Variants in RD3 observed in about 807,000 individuals in gnomAD.
The protein encoded by RD3 is protein RD3.
In RD3, 11 loss-of-function variants were observed where a neutral mutation model predicts 16.9. That is an observed-to-expected ratio of 0.65 (90% confidence interval 0.41 to 1.08). The LOEUF (loss-of-function observed/expected upper bound fraction) is 1.08, where lower values mean the gene tolerates loss of function less well. Among genes scored for constraint, RD3 ranks in the 50% least tolerant of loss-of-function variants. The pLI is 0.00. For missense variants in RD3, 274 were observed against 267.4 expected (o/e 1.02, Z -0.17); for synonymous variants, 116 against 114.8 (o/e 1.01, Z -0.07).
At chr1:211,479,670 C>G (rs550943697) in intron 2 of RD3, among the ~76,000 whole-genome samples, 4 of 152,194 alleles carry the variant, frequency 2.6e-5, no homozygotes, top group Non-Finnish European at 5.9e-5. Flanking sequence ...AGCCCTTTGC[C>G]GTGGCAGCCT....
intron 1 of RD3, among the ~76,000 whole-genome samples, chr1:211,482,533 A>T (rs906968848): frequency 6.6e-6 from 1 of 151,870 alleles, no homozygotes; most frequent in Admixed American, 6.5e-5. Flanking sequence ...ACATGGGCTG[A>T]TGGAGAAGGG....
intron 1 of RD3, among the ~76,000 whole-genome samples, chr1:211,481,750 C>A (rs1385201724): frequency 6.6e-6 from 1 of 152,144 alleles, no homozygotes; most frequent in Non-Finnish European, 1.5e-5. Flanking sequence ...CCTCCTGAAT[C>A]CTCACTAACT....
chr1:211,486,107 C>T (rs554234571), intron 1 of RD3, among the ~76,000 whole-genome samples: 42 of 150,496 alleles, frequency 2.8e-4, no homozygotes, highest in South Asian at 2.1e-3. Flanking sequence ...GTTGAGATCG[C>T]GCCACTGCAC....
intron 1 of RD3, among the ~76,000 whole-genome samples, chr1:211,484,119 A>G (rs1705328774): frequency 6.6e-6 from 1 of 152,198 alleles, no homozygotes; most frequent in Non-Finnish European, 1.5e-5. Context: ...CACTCTGCAC[A>G]GGTGCTTTTC....
chr1:211,486,224 G>C (rs558685299), intron 1 of RD3, among the ~76,000 whole-genome samples: 2 of 151,616 alleles, frequency 1.3e-5, no homozygotes, highest in African/African-American at 4.8e-5. Context: ...AGAAAAAAAG[G>C]CTGGGTGTGG....
At chr1:211,490,084 C>T (rs1031357371) in intron 1 of RD3, among the ~76,000 whole-genome samples, 1 of 152,180 alleles carries the variant, frequency 6.6e-6, no homozygotes, top group Non-Finnish European at 1.5e-5. Flanking sequence ...CCAGCTGTGG[C>T]TCGTTAGCTG....
intron 1 of RD3, among the ~76,000 whole-genome samples, chr1:211,488,532 C>A (rs372775952): frequency 9.6e-3 from 1,030 of 107,018 alleles, no homozygotes; most frequent in South Asian, 0.011. Flanking sequence ...AAGACTCTGT[C>A]AAAAAAAAAA....
At chr1:211,489,953 C>A (rs752317474) in intron 1 of RD3, among the ~76,000 whole-genome samples, 15 of 152,200 alleles carry the variant, frequency 9.9e-5, no homozygotes, top group Admixed American at 5.9e-4. Context: ...TCTTCTCTTT[C>A]CTCTTTCCTT....
intron 1 of RD3, among the ~76,000 whole-genome samples, chr1:211,488,532 C>CAA (rs35415066): frequency 0.056 from 6,065 of 107,554 alleles, 194 homozygotes; most frequent in Middle Eastern, 0.11. Flanking sequence ...AAGACTCTGT[C>CAA]AAAAAAAAAA....
intron 2 of RD3, among the ~76,000 whole-genome samples, chr1:211,479,691 C>T (rs1447695635): frequency 6.6e-6 from 1 of 152,202 alleles, no homozygotes; most frequent in Non-Finnish European, 1.5e-5. Flanking sequence ...TCTGGCTAAG[C>T]CTCTCCTGTC....
chr1:211,489,429 T>C (rs2102373728), intron 1 of RD3, among the ~76,000 whole-genome samples: 1 of 152,064 alleles, frequency 6.6e-6, no homozygotes, highest in East Asian at 1.9e-4. Context: ...ACAAAATGCT[T>C]TAAAGTTGTT....
intron 1 of RD3, among the ~76,000 whole-genome samples, chr1:211,482,305 G>T (rs1489279505): frequency 6.6e-6 from 1 of 151,942 alleles, no homozygotes; most frequent in Non-Finnish European, 1.5e-5. Flanking sequence ...ATCAAGCACT[G>T]TGTACACATC....
intron 2 of RD3, among the ~76,000 whole-genome samples, chr1:211,479,924 G>A (rs1705228565): frequency 1.3e-5 from 2 of 152,122 alleles, no homozygotes; most frequent in African/African-American, 2.4e-5. Context: ...ACTCTGCCTA[G>A]GCTATCTTTG....
intron 1 of RD3, among the ~76,000 whole-genome samples, chr1:211,487,337 AC>A (rs372156826): frequency 5.3e-5 from 8 of 152,058 alleles, no homozygotes; most frequent in African/African-American, 1.9e-4. Context: ...AAGCTTCCGA[AC>A]CACAGTGTGG....
intron 1 of RD3, among the ~76,000 whole-genome samples, chr1:211,486,402 G>C (rs543020464): frequency 6.6e-6 from 1 of 151,228 alleles, no homozygotes; most frequent in East Asian, 2.0e-4. Context: ...CTAGTCGGGA[G>C]GTGGAAGAAT....
At chr1:211,490,898 T>C (rs549109706) in intron 1 of RD3, among the ~76,000 whole-genome samples, 33 of 152,268 alleles carry the variant, frequency 2.2e-4, no homozygotes, top group African/African-American at 7.5e-4. Flanking sequence ...AGCAAACACG[T>C]TTCTCACGCT....
At chr1:211,481,451 T>A in intron 1 of RD3, 25 bp from the exon 2 acceptor site, 1 of 1,607,210 alleles carries the variant, frequency 6.2e-7, no homozygotes, top group Non-Finnish European at 8.5e-7. Flanking sequence ...CAGATGTGCA[T>A]CTTTCCTGGG....
chr1:211,488,975 G>C (rs1705431425), intron 1 of RD3, among the ~76,000 whole-genome samples: 1 of 152,156 alleles, frequency 6.6e-6, no homozygotes. Flanking sequence ...TGGGCTTGGG[G>C]AGACAGTGCA....
intron 1 of RD3, among the ~76,000 whole-genome samples, chr1:211,491,134 G>A (rs1177973276): frequency 1.3e-5 from 2 of 152,092 alleles, no homozygotes; most frequent in African/African-American, 2.4e-5. Flanking sequence ...TCCCTTGGTC[G>A]CAGCTGGACT....
Sources: gnomAD v4.1 joint callset for allele counts (sites outside exome capture counted in the v4.1 genomes callset) on GRCh38, gnomAD v4.1.1 for gene constraint, MANE v1.5 for transcripts, NCBI Gene and HGNC (gene_info 2026-07-23, HGNC 2026-07-21) for gene names.